Variants in HEMK1 observed in about 807,000 individuals in gnomAD.
HEMK1 encodes HemK methyltransferase 1, mitochondrial release factors N(5)-glutamine.
A neutral mutation model predicts 47.9 loss-of-function variants in HEMK1; 36 were observed. That is an observed-to-expected ratio of 0.75 (90% CI 0.58 to 0.99). HEMK1 has a LOEUF of 0.99. HEMK1 is among the 50% of genes least tolerant of loss of function. The pLI, the probability that HEMK1 is intolerant of heterozygous loss-of-function variation, is 0.00. For synonymous variants in HEMK1, 153 were observed against 165.4 expected (o/e 0.93, Z 0.57); for missense variants, 383 against 434.5 (o/e 0.88, Z 1.05).
intron 7 of HEMK1, 120 bp downstream of exon 7, chr3:50,577,995 C>T: frequency 5.8e-6 from 5 of 867,830 alleles, no homozygotes; most frequent in South Asian, 2.7e-5. Context: ...CCACACACAA[C>T]ACACACACAT....
rs546378437 is a variant in HEMK1, at chr3:50,584,413, A to G, written c.*3996A>G. ...TAACATGTGACTATATTACCTTCACATAGCAAAATGGACTTTGCAGATGTG... is the reference window on the plus strand; with the variant it reads ...TAACATGTGACTATATTACCTTCACGTAGCAAAATGGACTTTGCAGATGTG... On this transcript the variant is annotated 3_prime_UTR_variant, in exon 11 of 11. Coordinates refer to ENST00000232854, the MANE Select transcript of HEMK1 (RefSeq NM_016173.5). The G allele has an allele frequency of 2.3e-4, 35 of 152,398 alleles. No homozygotes were observed. Among genetic ancestry groups the G allele is most frequent in the African/African-American group, 8.4e-4 (35 of 41,600 alleles). 9.4% of individuals were successfully genotyped at this position (152,398 alleles called of 1,614,324 possible). A position where few individuals can be genotyped will look rare whatever the true frequency, so the allele number is the denominator to read the frequency against.
chr3:50,585,793 C>G lies in HEMK1; in HGVS notation c.*5376C>G, dbSNP rs2031305919. On this transcript the variant is annotated 3_prime_UTR_variant, in exon 11 of 11. Coordinates refer to ENST00000232854, the MANE Select transcript of HEMK1 (RefSeq NM_016173.5). ...TCATGGCAAGACTTATATTCAATCC[C>G]TGATCTTTTTTCCCAGAGAGGGATG... The G allele has an allele frequency of 6.6e-6, 1 of 152,218 alleles. No individual in the cohort carries two copies. Among genetic ancestry groups the G allele is most frequent in the Admixed American group, 6.5e-5 (1 of 15,280 alleles). 9.4% of individuals were successfully genotyped at this position (152,218 alleles called of 1,614,324 possible).
Position 50,580,428 on chromosome 3 carries a change from C to T in HEMK1, c.*11C>T. 2.5e-6 allele frequency: 4 copies of T among 1,614,054 alleles called. No homozygotes were observed. Among genetic ancestry groups the T allele is most frequent in the Non-Finnish European group, 3.4e-6 (4 of 1,179,952 alleles). ...AGGTCTGGGCCATAGCATGGCTGCC[C>T]TGTGGATGCCTTGTCAGTGCCGCCA... On this transcript the variant is annotated 3_prime_UTR_variant, in exon 11 of 11. Coordinates refer to ENST00000232854, the MANE Select transcript of HEMK1 (RefSeq NM_016173.5).
At chr3:50,570,829 G>A in intron 1 of HEMK1, 102 bp from the exon 2 acceptor site, 1 of 347,624 alleles carries the variant, frequency 2.9e-6, no homozygotes, top group Middle Eastern at 7.5e-4. Flanking sequence ...TGGAGTCAAG[G>A]GGGTGTCAGA....
At chr3:50,577,292 C>G in intron 5 of HEMK1, 106 bp downstream of exon 5, 1 of 1,364,650 alleles carries the variant, frequency 7.3e-7, no homozygotes, top group Admixed American at 1.9e-5. Context: ...GGGGAAGCAG[C>G]TGGATGAGGG....
chr3:50,580,524 G>T lies in HEMK1; in HGVS notation c.*107G>T. 8.8e-7 allele frequency: 1 copy of T among 1,131,574 alleles called. No homozygotes were observed. The allele number at this position is 1,131,574 out of a possible 1,614,324, so 70.1% of individuals were successfully genotyped here. On this transcript the variant is annotated 3_prime_UTR_variant, in exon 11 of 11. Coordinates refer to ENST00000232854, the MANE Select transcript of HEMK1 (RefSeq NM_016173.5). ...CTTATGGCATTTCCCAGGGTTCTGT[G>T]ATTTCCCCATGCTCTGCATTTCTAG... is the stretch of plus-strand genomic sequence containing the variant.
chr3:50,571,030 C>A lies in HEMK1; in HGVS notation c.-75C>A. The stretch of plus-strand genomic sequence containing the variant: ...AGCTGGGTCCAGGGGCCACTCTCAG[C>A]ACTCACCTCAGCAGCTGACATCATA... On this transcript the variant is annotated 5_prime_UTR_variant, in exon 2 of 11. Transcript: ENST00000232854. 1 of 1,192,496 alleles carries A rather than the reference C, an allele frequency of 8.4e-7. No homozygotes were observed. The highest frequency in any genetic ancestry group is 1.2e-6 in the Non-Finnish European group (1 of 845,476). The allele number at this position is 1,192,496 out of a possible 1,614,324, so 73.9% of individuals were successfully genotyped here. A position where few individuals can be genotyped will look rare whatever the true frequency, so the allele number is the denominator to read the frequency against.
Position 50,580,186 on chromosome 3 carries a change from C to G in HEMK1, c.937C>G (p.Leu313Val). 6.2e-7 allele frequency: 1 copy of G among 1,614,192 alleles called. No individual in the cohort carries two copies. The highest frequency in any genetic ancestry group is 8.5e-7 in the Non-Finnish European group (1 of 1,180,026). Reference protein sequence around the residue: ...VSSWLQSRPDLYLNLVAVRRD... With the variant: ...VSSWLQSRPDVYLNLVAVRRD... ...CAGCTGGCTTCAGAGCCGGCCTGAC[C>G]TGTACCTTAATCTTGTGGCTGTGCG... The change falls in exon 10 of 11, where the codon CTG (leucine) becomes GTG (valine). Residue 313 changes from leucine to valine, a missense_variant. Coordinates refer to ENST00000232854, the MANE Select transcript of HEMK1 (RefSeq NM_016173.5).
In HEMK1 at chr3:50,596,105, C is replaced by T. The variant is rs1442530468; in HGVS notation, c.*15688C>T. 6.6e-6 allele frequency: 1 copy of T among 152,170 alleles called. No individual in the cohort carries two copies. Among genetic ancestry groups the T allele is most frequent in the African/African-American group, 2.4e-5 (1 of 41,418 alleles). The allele number at this position is 152,170 out of a possible 1,614,324, so 9.4% of individuals were successfully genotyped here. A position where few individuals can be genotyped will look rare whatever the true frequency, so the allele number is the denominator to read the frequency against. On this transcript the variant is annotated 3_prime_UTR_variant, in exon 11 of 11. Transcript: ENST00000232854. ...CACTCTCTTCTAATCTGCCTGTGGC[C>T]TGTTCCTTAGAGTGTATCACAAACA...
Position 50,580,666 on chromosome 3 carries a change from A to T in HEMK1, c.*249A>T. ...GGGATATGGCCAGTAAAGTATTGAG[A>T]GACTAACAAATGGTGACCTAATGTT... On this transcript the variant is annotated 3_prime_UTR_variant, in exon 11 of 11. Coordinates refer to ENST00000232854, the MANE Select transcript of HEMK1 (RefSeq NM_016173.5). The T allele has an allele frequency of 1.8e-6, 1 of 569,784 alleles. No homozygotes were observed. The highest frequency in any genetic ancestry group is 1.9e-5 in the African/African-American group (1 of 53,128). 35.3% of individuals were successfully genotyped at this position (569,784 alleles called of 1,614,324 possible).
chr3:50,580,766 G>A lies in HEMK1; in HGVS notation c.*349G>A. ...GGGGCAAGGGTTTCCTTCTGCCCCA[G>A]CAGGGCTGGCCGTCAGTCCCCTGCT... On this transcript the variant is annotated 3_prime_UTR_variant, in exon 11 of 11. Coordinates refer to ENST00000232854, the MANE Select transcript of HEMK1 (RefSeq NM_016173.5). The A allele has an allele frequency of 5.6e-6, 2 of 358,362 alleles. No homozygotes were observed. Among genetic ancestry groups the A allele is most frequent in the South Asian group, 5.9e-5 (2 of 33,674 alleles). The allele number at this position is 358,362 out of a possible 1,614,324, so 22.2% of individuals were successfully genotyped here. A position where few individuals can be genotyped will look rare whatever the true frequency, so the allele number is the denominator to read the frequency against.
At chr3:50,579,791 C>G (rs745824971) in intron 8 of HEMK1, 53 bp from the exon 9 acceptor site, 21 of 1,329,556 alleles carry the variant, frequency 1.6e-5, no homozygotes, top group Non-Finnish European at 2.2e-5. Flanking sequence ...GCCCTCCATG[C>G]ATTTCAGATA....
chr3:50,572,026 C>T, intron 3 of HEMK1, 89 bp from the exon 4 acceptor site: 1 of 1,582,622 alleles, frequency 6.3e-7, no homozygotes, highest in Non-Finnish European at 8.6e-7. Context: ...TTGCCTGATA[C>T]CTTTGGCCAC....
chr3:50,595,687 C>A lies in HEMK1; in HGVS notation c.*15270C>A, dbSNP rs1350456707. ...GAGAGAACCATGGGGAATTGTCTCT[C>A]AATACCTTACTGGTGCTTCTTGGCA... On this transcript the variant is annotated 3_prime_UTR_variant, in exon 11 of 11. Transcript: ENST00000232854. 2.0e-5 allele frequency: 3 copies of A among 152,334 alleles called. No individual in the cohort carries two copies. The East Asian group carries it at 5.8e-4, about 29-fold the overall frequency. 9.4% of individuals were successfully genotyped at this position (152,334 alleles called of 1,614,324 possible). A position where few individuals can be genotyped will look rare whatever the true frequency, so the allele number is the denominator to read the frequency against.
intron 5 of HEMK1, 148 bp from the exon 6 acceptor site, chr3:50,577,361 T>G: frequency 9.0e-7 from 1 of 1,109,210 alleles, no homozygotes; most frequent in Non-Finnish European, 1.4e-6. Flanking sequence ...ACCACATCTA[T>G]CTGGCTAGAC....
chr3:50,577,395 T>C (rs776215282), intron 5 of HEMK1, 114 bp from the exon 6 acceptor site: 43 of 1,213,962 alleles, frequency 3.5e-5, no homozygotes, highest in Non-Finnish European at 5.3e-5. Flanking sequence ...AAAAGGCTGT[T>C]GGGTATTTCC....
chr3:50,582,686 G>A lies in HEMK1; in HGVS notation c.*2269G>A, dbSNP rs1559466392. The A allele has an allele frequency of 1.3e-5, 2 of 152,306 alleles. No individual in the cohort carries two copies. The highest frequency in any genetic ancestry group is 2.9e-5 in the Non-Finnish European group (2 of 68,064). The allele number at this position is 152,306 out of a possible 1,614,324, so 9.4% of individuals were successfully genotyped here. On this transcript the variant is annotated 3_prime_UTR_variant, in exon 11 of 11. Transcript: ENST00000232854. ...GCCCTCAGGCGTCCATCTGATGCAT[G>A]GGACCAACATAAGGCAGGCAGGGAT...
At position 50,571,159 on chromosome 3, in the gene HEMK1, G is replaced by A; in HGVS notation, c.55G>A (p.Gly19Arg). 1 of 1,613,296 alleles carries A rather than the reference G, an allele frequency of 6.2e-7. No homozygotes were observed. ...WALLSGPGRRGSTRGWAFSSW... is the reference protein window; with the variant it reads ...WALLSGPGRRRSTRGWAFSSW... ...CCTCCTGTCTGGCCCAGGGAGGAGG[G>A]GAAGTACCCGGGGCTGGGCCTTCAG... The change falls in exon 2 of 11, where the codon GGA becomes AGA. Residue 19 changes from glycine to arginine, a missense_variant. Transcript: ENST00000232854.
rs1043063297 is a variant in HEMK1, at chr3:50,576,070, A to C, written c.415-982A>C. On this transcript the variant is annotated intron_variant, in intron 4 of 10. Coordinates refer to ENST00000232854, the MANE Select transcript of HEMK1 (RefSeq NM_016173.5). ...CCTCCCTCTGCACCCATGCCTGTTGACCTATGCCTGTGTATGCCACAGCCC... is the reference window on the plus strand; with the variant it reads ...CCTCCCTCTGCACCCATGCCTGTTGCCCTATGCCTGTGTATGCCACAGCCC... 2.0e-5 allele frequency among the ~76,000 whole-genome samples: 3 copies of C among 152,240 alleles called. No individual in the cohort carries two copies. The South Asian group carries it at 6.2e-4, about 32-fold the overall frequency.
Sources: allele counts gnomAD v4.1 joint callset (sites outside exome capture counted in the v4.1 genomes callset), GRCh38; gene constraint gnomAD v4.1.1; transcripts MANE v1.5; gene names NCBI Gene and HGNC (gene_info 2026-07-23, HGNC 2026-07-21).